The following THRB variants were observed in gnomAD, a reference collection of about 807,000 sequenced individuals.
The protein encoded by THRB is thyroid hormone receptor beta, also known as nuclear receptor subfamily 1 group A member 2.
Under a neutral mutation model 47.8 loss-of-function variants are expected in THRB, and 12 were observed. That is an observed-to-expected ratio of 0.25 (90% CI 0.16 to 0.41). The LOEUF is 0.41. Among genes scored for constraint, THRB ranks in the 10% least tolerant of loss-of-function variants. The pLI, the probability that THRB is intolerant of heterozygous loss-of-function variation, is 1.00. For missense variants in THRB, 348 were observed against 589.2 expected, an observed-to-expected ratio of 0.59 and a Z score of 4.24; for synonymous variants, 218 against 212.2, an observed-to-expected ratio of 1.03 and a Z score of -0.24.
At chr3:24,371,601 C>T (rs921768258) in intron 1 of THRB, among the ~76,000 whole-genome samples, 4 of 152,034 alleles carry the variant, frequency 2.6e-5, no homozygotes, top group Non-Finnish European at 4.4e-5. Flanking sequence ...TGAGTGTTGG[C>T]CATAATGTCA....
intron 3 of THRB, among the ~76,000 whole-genome samples, chr3:24,284,518 T>G (rs986097983): frequency 6.6e-6 from 1 of 151,926 alleles, no homozygotes; most frequent in African/African-American, 2.4e-5. Context: ...GACATAGGCA[T>G]GGGGAAAGAC....
intron 5 of THRB, among the ~76,000 whole-genome samples, chr3:24,161,639 C>CACACACAG (rs2038845962): frequency 6.6e-6 from 1 of 151,236 alleles, no homozygotes; most frequent in African/African-American, 2.4e-5. Flanking sequence ...CACACACACA[C>CACACACAG]ACACACACAC....
At chr3:24,148,770 C>T (rs912975422) in intron 6 of THRB, among the ~76,000 whole-genome samples, 13 of 152,048 alleles carry the variant, frequency 8.5e-5, no homozygotes, top group Admixed American at 2.6e-4. Context: ...TGAAAATGCC[C>T]GAGGTAGGAT....
intron 1 of THRB, among the ~76,000 whole-genome samples, chr3:24,444,642 T>C (rs879898960): frequency 1.3e-5 from 2 of 152,216 alleles, no homozygotes; most frequent in Non-Finnish European, 2.9e-5. Flanking sequence ...TCGCTCTTGT[T>C]GCCCAGGCCA....
intron 5 of THRB, chr3:24,164,932 C>A: frequency 1.5e-4 from 86 of 592,022 alleles, no homozygotes; most frequent in East Asian, 1.9e-4. Flanking sequence ...CGTTCAAATT[C>A]AAAGATTTGA....
chr3:24,345,192 C>A (rs1449172011), intron 1 of THRB, among the ~76,000 whole-genome samples: 5 of 152,102 alleles, frequency 3.3e-5, no homozygotes, highest in Admixed American at 2.6e-4. Context: ...TGTCCTTTTT[C>A]CAACAGCAAT....
At chr3:24,166,139 A>G (rs941215340) in intron 5 of THRB, among the ~76,000 whole-genome samples, 1 of 152,194 alleles carries the variant, frequency 6.6e-6, no homozygotes, top group South Asian at 2.1e-4. Flanking sequence ...TCTGCAAGTG[A>G]GTTTTATTCT....
At chr3:24,134,386 TCTC>T (rs1237282523) in intron 8 of THRB, among the ~76,000 whole-genome samples, 1 of 152,102 alleles carries the variant, frequency 6.6e-6, no homozygotes, top group Non-Finnish European at 1.5e-5. Flanking sequence ...CTGCTCCACT[TCTC>T]CTCCTTGTCT....
intron 3 of THRB, among the ~76,000 whole-genome samples, chr3:24,283,436 AAAT>A (rs1442721087): frequency 3.3e-5 from 5 of 151,796 alleles, no homozygotes; most frequent in Non-Finnish European, 5.9e-5. Flanking sequence ...ACGTATCTCA[AAAT>A]AATAAGAGCT....
chr3:24,125,722 A>G (rs2032631841), intron 10 of THRB, among the ~76,000 whole-genome samples: 1 of 152,156 alleles, frequency 6.6e-6, no homozygotes, highest in Admixed American at 6.5e-5. Context: ...CTTTCCCCAC[A>G]TGGCGGTTTA....
chr3:24,321,343 T>C (rs953651030), intron 2 of THRB, among the ~76,000 whole-genome samples: 6 of 152,182 alleles, frequency 3.9e-5, no homozygotes, highest in Admixed American at 6.5e-5. Flanking sequence ...AAGAGTGATA[T>C]GAAAGATAAG....
intron 3 of THRB, among the ~76,000 whole-genome samples, chr3:24,285,649 G>A (rs2360956): frequency 0.77 from 116,206 of 151,706 alleles, 45,507 homozygotes; most frequent in African/African-American, 0.93. Context: ...AAGAATACTG[G>A]CCATTTAACC....
At chr3:24,344,629 A>G (rs1406820509) in intron 1 of THRB, among the ~76,000 whole-genome samples, 3 of 152,068 alleles carry the variant, frequency 2.0e-5, no homozygotes, top group African/African-American at 7.2e-5. Context: ...TTTGACCATG[A>G]TCCACAATAA....
At chr3:24,469,061 A>G (rs1394441855) in intron 1 of THRB, among the ~76,000 whole-genome samples, 1 of 152,160 alleles carries the variant, frequency 6.6e-6, no homozygotes, top group Admixed American at 6.5e-5. Context: ...TGGCTTTGCC[A>G]AGCTGACTAC....
intron 1 of THRB, among the ~76,000 whole-genome samples, chr3:24,409,882 C>G (rs1159990447): frequency 2.0e-5 from 3 of 151,804 alleles, no homozygotes; most frequent in Non-Finnish European, 4.4e-5. Context: ...TGTAGACATT[C>G]CTGCATTCAA....
chr3:24,384,272 C>T (rs1040186986), intron 1 of THRB, among the ~76,000 whole-genome samples: 11 of 151,952 alleles, frequency 7.2e-5, no homozygotes, highest in African/African-American at 2.7e-4. Context: ...GAAAACTAGG[C>T]CTTTTGGTAT....
chr3:24,258,723 A>T (rs2051596803), intron 3 of THRB, among the ~76,000 whole-genome samples: 1 of 152,208 alleles, frequency 6.6e-6, no homozygotes, highest in Non-Finnish European at 1.5e-5. Flanking sequence ...TCCTGTGATC[A>T]GTAACTTACA....
chr3:24,181,185 G>A (rs777292429), intron 5 of THRB, among the ~76,000 whole-genome samples: 1 of 152,192 alleles, frequency 6.6e-6, no homozygotes, highest in Non-Finnish European at 1.5e-5. Flanking sequence ...GATGATCATA[G>A]CTTGTTTTAG....
chr3:24,229,475 C>T (rs2048031879), intron 3 of THRB, among the ~76,000 whole-genome samples: 1 of 152,296 alleles, frequency 6.6e-6, no homozygotes, highest in African/African-American at 2.4e-5. Context: ...TTCATGTGCA[C>T]TTTCAAGTCA....
Sources: allele counts gnomAD v4.1 joint callset (sites outside exome capture counted in the v4.1 genomes callset), GRCh38; gene constraint gnomAD v4.1.1; transcripts MANE v1.5; gene names NCBI Gene and HGNC (gene_info 2026-07-23, HGNC 2026-07-21).